Variants in CCDC171 observed in about 807,000 individuals in gnomAD.
CCDC171 encodes the protein coiled-coil domain containing 171.
Under a neutral mutation model 168.2 loss-of-function variants are expected in CCDC171, and 177 were observed. The ratio of observed to expected loss-of-function variants is 1.05; its 90% CI spans 0.93 to 1.19. The LOEUF is 1.19. Ranked by LOEUF, CCDC171 falls within the 50% of genes most tolerant of loss-of-function variation. The pLI is 0.00. For synonymous variants in CCDC171, 687 were observed against 540.8 expected, an observed-to-expected ratio of 1.27 and a Z score of -3.75; for missense variants, 1,991 against 1,539.0, an observed-to-expected ratio of 1.29 and a Z score of -4.91.
chr9:16,023,698 T>C (rs549388685), intron 6 of CCDC171, among the ~76,000 whole-genome samples: 1 of 152,354 alleles, frequency 6.6e-6, no homozygotes, highest in Non-Finnish European at 1.5e-5. Flanking sequence ...TAATTGCTTA[T>C]TCAACTTTTT....
At chr9:15,566,522 G>T (rs1354796486) in intron 2 of CCDC171, among the ~76,000 whole-genome samples, 1 of 152,200 alleles carries the variant, frequency 6.6e-6, no homozygotes, top group Non-Finnish European at 1.5e-5. Context: ...TCATGCCACT[G>T]TACTTGAGCC....
rs762249388 is a variant in CCDC171 at position 15,874,567 on chromosome 9, A to G, written c.3504A>G (p.Ala1168=). 1.2e-6 allele frequency: 2 copies of G among 1,607,832 alleles called. No individual in the cohort carries two copies. The highest frequency in any genetic ancestry group is 2.2e-5 in the South Asian group (2 of 89,890). Residue 1168 remains alanine, a synonymous_variant, in exon 24 of 26, where the codon GCA becomes GCG. Coordinates refer to ENST00000380701, the MANE Select transcript of CCDC171 (RefSeq NM_173550.4). ...RDQISLSWSA[A]SRNDFTLQLP... ...AGATCTCGCTGTCATGGTCTGCGGCAAGTAGGAATGACTTCACCCTACAGC... is the reference window on the plus strand; with the variant it reads ...AGATCTCGCTGTCATGGTCTGCGGCGAGTAGGAATGACTTCACCCTACAGC...
chr9:15,745,652 T>C, intron 18 of CCDC171, 21 bp downstream of exon 18: 1 of 1,408,838 alleles, frequency 7.1e-7, no homozygotes, highest in Non-Finnish European at 9.7e-7. Flanking sequence ...TTCTTTTATG[T>C]CCTTGCAAAA....
chr9:15,659,458 T>C (rs2048161431), intron 8 of CCDC171, among the ~76,000 whole-genome samples: 1 of 152,214 alleles, frequency 6.6e-6, no homozygotes, highest in Non-Finnish European at 1.5e-5. Context: ...GAAGATTGTA[T>C]ACCTATAATA....
intron 7 of CCDC171, among the ~76,000 whole-genome samples, chr9:15,628,594 GGGGCA>G (rs2045381969): frequency 6.6e-6 from 1 of 152,232 alleles, no homozygotes; most frequent in Non-Finnish European, 1.5e-5. Flanking sequence ...TCCACCTATG[GGGGCA>G]GGGCACAGAC....
At chr9:15,904,416 C>G (rs1341532514) in intron 24 of CCDC171, among the ~76,000 whole-genome samples, 1 of 152,040 alleles carries the variant, frequency 6.6e-6, no homozygotes, top group Non-Finnish European at 1.5e-5. Context: ...CTTATCCAGC[C>G]AAACTAAGCT....
intron 25 of CCDC171, among the ~76,000 whole-genome samples, chr9:15,947,833 A>G (rs1297563085): frequency 6.8e-6 from 1 of 147,406 alleles, no homozygotes; most frequent in Admixed American, 6.8e-5. Flanking sequence ...ATTTTTTTTT[A>G]ATTTATTATT....
chr9:15,775,575 C>T (rs1416227293), intron 18 of CCDC171, among the ~76,000 whole-genome samples: 6 of 152,316 alleles, frequency 3.9e-5, no homozygotes, highest in Non-Finnish European at 7.3e-5. Context: ...GCCTTAGCCT[C>T]CCAAAGTGCT....
chr9:15,738,517 G>A (rs1303155312), intron 16 of CCDC171, among the ~76,000 whole-genome samples: 1 of 152,086 alleles, frequency 6.6e-6, no homozygotes, highest in African/African-American at 2.4e-5. Flanking sequence ...TGAGGAGCAG[G>A]TTATTTCAGT....
intron 6 of CCDC171, among the ~76,000 whole-genome samples, chr9:15,604,880 A>G (rs930043347): frequency 6.6e-6 from 1 of 152,186 alleles, no homozygotes; most frequent in Non-Finnish European, 1.5e-5. Context: ...ACATCAACAG[A>G]TGGATGCAAA....
chr9:15,993,435 A>G (rs1832267673), intron 3 of CCDC171, among the ~76,000 whole-genome samples: 1 of 152,244 alleles, frequency 6.6e-6, no homozygotes, highest in Admixed American at 6.5e-5. Context: ...GCTTATACAA[A>G]AATTATTTCA....
intron 18 of CCDC171, among the ~76,000 whole-genome samples, chr9:15,754,073 T>G (rs1246034906): frequency 2.0e-5 from 3 of 152,150 alleles, no homozygotes; most frequent in Admixed American, 6.5e-5. Context: ...ACAGAAAGGA[T>G]GGGAACATAT....
At chr9:16,009,386 A>G (rs1832796955) in intron 3 of CCDC171, among the ~76,000 whole-genome samples, 1 of 152,222 alleles carries the variant, frequency 6.6e-6, no homozygotes, top group Admixed American at 6.5e-5. Flanking sequence ...TAAACCTAGT[A>G]TACCACAGTT....
At chr9:15,696,556 C>G (rs2051232087) in intron 11 of CCDC171, among the ~76,000 whole-genome samples, 1 of 152,070 alleles carries the variant, frequency 6.6e-6, no homozygotes, top group Admixed American at 6.5e-5. Flanking sequence ...GAAAATTTTC[C>G]TTTGCACTGG....
At chr9:15,888,602 T>TGAATTGTTAAACAATTTAGTA (rs1485480723) in intron 24 of CCDC171, among the ~76,000 whole-genome samples, 1 of 152,206 alleles carries the variant, frequency 6.6e-6, no homozygotes, top group Non-Finnish European at 1.5e-5. Context: ...ATTTACACAA[T>TGAATTGTTAAACAATTTAGTA]GAATTGTTAA....
At chr9:15,767,710 G>T (rs1182983460) in intron 18 of CCDC171, among the ~76,000 whole-genome samples, 1 of 151,532 alleles carries the variant, frequency 6.6e-6, no homozygotes, top group African/African-American at 2.4e-5. Flanking sequence ...CCTTCTTCCA[G>T]ATTCTTTTGA....
intron 24 of CCDC171, chr9:15,886,872 A>G (rs1238049798): frequency 6.6e-6 from 1 of 152,140 alleles, no homozygotes; most frequent in Non-Finnish European, 1.5e-5. Context: ...ATGCTAAGCG[A>G]AATAAGCCAG....
At chr9:15,904,826 G>A (rs938239197) in intron 24 of CCDC171, among the ~76,000 whole-genome samples, 1 of 151,558 alleles carries the variant, frequency 6.6e-6, no homozygotes, top group Non-Finnish European at 1.5e-5. Context: ...GATGGAGGAA[G>A]ATCTACCAAG....
intron 2 of CCDC171, among the ~76,000 whole-genome samples, chr9:15,569,846 CAAAA>C (rs1314811546): frequency 2.9e-5 from 4 of 139,726 alleles, no homozygotes; most frequent in Admixed American, 2.8e-4. Flanking sequence ...AACAAACAAA[CAAAA>C]AAAAAATTTC....
Sources: allele counts gnomAD v4.1 joint callset (sites outside exome capture counted in the v4.1 genomes callset), GRCh38; gene constraint gnomAD v4.1.1; transcripts MANE v1.5; gene names NCBI Gene and HGNC (gene_info 2026-07-23, HGNC 2026-07-21).